Variants in SCAPER observed in about 807,000 individuals in gnomAD.
SCAPER encodes S-phase cyclin A associated protein in the ER.
A neutral mutation model predicts 182.2 loss-of-function variants in SCAPER; 98 were observed. The observed-to-expected ratio is 0.54, with a 90% CI of 0.46 to 0.64. The LOEUF (loss-of-function observed/expected upper bound fraction) is 0.64, where lower values mean the gene tolerates loss of function less well. SCAPER is among the 30% of genes least tolerant of loss of function. The pLI is 0.00. For synonymous variants in SCAPER, 605 were observed against 564.6 expected (o/e 1.07, Z -1.01); for missense variants, 1,432 against 1,690.0 (o/e 0.85, Z 2.68).
intron 7 of SCAPER, among the ~76,000 whole-genome samples, chr15:76,798,843 G>A (rs147418072): frequency 1.3e-5 from 2 of 152,136 alleles, no homozygotes; most frequent in East Asian, 3.9e-4. Context: ...CAAACACCGA[G>A]AACATCTGTT....
chr15:76,486,890 G>GC (rs2051706582), intron 24 of SCAPER, among the ~76,000 whole-genome samples: 1 of 152,164 alleles, frequency 6.6e-6, no homozygotes, highest in Non-Finnish European at 1.5e-5. Context: ...ACACATGCAT[G>GC]CAAATGTTCA....
chr15:76,813,227 T>TAAAAAAAAA (rs746891532), intron 5 of SCAPER, among the ~76,000 whole-genome samples: 92 of 17,138 alleles, frequency 5.4e-3, no homozygotes, highest in East Asian at 0.017. Flanking sequence ...ATCCTTTCAC[T>TAAAAAAAAA]AAAAAAAAAA....
At chr15:76,513,279 T>A (rs1030612590) in intron 23 of SCAPER, among the ~76,000 whole-genome samples, 1 of 152,162 alleles carries the variant, frequency 6.6e-6, no homozygotes, top group South Asian at 2.1e-4. Flanking sequence ...TGAGATATGA[T>A]AGATTAACAC....
intron 16 of SCAPER, among the ~76,000 whole-genome samples, 187 bp downstream of exon 16, chr15:76,733,042 C>A (rs763139358): frequency 6.6e-6 from 1 of 152,140 alleles, no homozygotes; most frequent in South Asian, 2.1e-4. Context: ...GGGCCACTAC[C>A]GGTCTCCACG....
intron 1 of SCAPER, among the ~76,000 whole-genome samples, chr15:76,899,695 G>A (rs558827461): frequency 4.6e-5 from 7 of 151,704 alleles, no homozygotes; most frequent in Non-Finnish European, 5.9e-5. Context: ...CTGCCCGGCC[G>A]CCACCCCGTC....
At chr15:76,589,393 C>T (rs776492605) in intron 22 of SCAPER, among the ~76,000 whole-genome samples, 10 of 152,040 alleles carry the variant, frequency 6.6e-5, no homozygotes, top group Non-Finnish European at 8.8e-5. Context: ...GGGCTTGCTG[C>T]GGCAATGGAG....
chr15:76,456,246 C>T (rs1390970258), intron 25 of SCAPER, among the ~76,000 whole-genome samples: 1 of 152,214 alleles, frequency 6.6e-6, no homozygotes, highest in East Asian at 1.9e-4. Flanking sequence ...AATTGCCACA[C>T]TTTCTTCCAC....
chr15:76,665,860 C>T, intron 20 of SCAPER, 71 bp from the exon 21 acceptor site: 6 of 1,269,010 alleles, frequency 4.7e-6, no homozygotes, highest in Non-Finnish European at 6.3e-6. Context: ...TTGCTATAGA[C>T]TACAGTGAGT....
At chr15:76,422,634 T>C (rs2046125211) in intron 26 of SCAPER, among the ~76,000 whole-genome samples, 1 of 152,208 alleles carries the variant, frequency 6.6e-6, no homozygotes, top group South Asian at 2.1e-4. Context: ...CTGATTGCCC[T>C]GGCCAGAACT....
At chr15:76,474,496 T>A (rs1316528952) in intron 24 of SCAPER, among the ~76,000 whole-genome samples, 1 of 152,182 alleles carries the variant, frequency 6.6e-6, no homozygotes, top group Non-Finnish European at 1.5e-5. Flanking sequence ...AAGATACTAG[T>A]TAGAATCCTA....
At chr15:76,768,513 C>A (rs1331214396) in intron 10 of SCAPER, among the ~76,000 whole-genome samples, 3 of 152,052 alleles carry the variant, frequency 2.0e-5, no homozygotes, top group Admixed American at 2.0e-4. Context: ...GAAAGCAGTG[C>A]AGTGGCAGGT....
chr15:76,704,873 G>A (rs376234773), intron 18 of SCAPER, among the ~76,000 whole-genome samples: 55 of 152,104 alleles, frequency 3.6e-4, no homozygotes, highest in Admixed American at 1.1e-3. Flanking sequence ...TTAGAATGGC[G>A]ATCATTAAAA....
intron 21 of SCAPER, among the ~76,000 whole-genome samples, chr15:76,629,136 T>A (rs554800652): frequency 2.6e-5 from 4 of 151,908 alleles, no homozygotes; most frequent in African/African-American, 9.6e-5. Context: ...AGACTTTGCT[T>A]ATCAGCTTAA....
intron 23 of SCAPER, among the ~76,000 whole-genome samples, chr15:76,555,797 C>T (rs2145045191): frequency 6.6e-6 from 1 of 152,302 alleles, no homozygotes; most frequent in African/African-American, 2.4e-5. Flanking sequence ...CTTCAATACA[C>T]TGCACCACCA....
intron 7 of SCAPER, among the ~76,000 whole-genome samples, chr15:76,796,626 T>C (rs916747944): frequency 6.6e-6 from 1 of 152,186 alleles, no homozygotes; most frequent in African/African-American, 2.4e-5. Flanking sequence ...ATTAACCCAA[T>C]GACACAGTTA....
At chr15:76,510,361 A>T (rs760398827) in intron 23 of SCAPER, among the ~76,000 whole-genome samples, 2 of 152,212 alleles carry the variant, frequency 1.3e-5, no homozygotes, top group Non-Finnish European at 2.9e-5. Flanking sequence ...GACTACAAGG[A>T]ACTCAAATTA....
At position 76,549,466 on chromosome 15, in the gene SCAPER, C is replaced by T. The variant is rs139272977; in HGVS notation, c.2838+24692G>A. Among the ~76,000 whole-genome samples, 197 of 152,076 alleles carry T rather than the reference C, an allele frequency of 1.3e-3. 2 individuals are homozygous for T. Among genetic ancestry groups the T allele is most frequent in the African/African-American group, 4.0e-3 (166 of 41,490 alleles). On this transcript the variant is annotated intron_variant, in intron 23 of 31. Transcript: ENST00000563290. ...TTCATGTCCTTTGTAGGGACATGGA[C>T]GAAGCTGGAAACCATCAAACTATCT...
intron 14 of SCAPER, among the ~76,000 whole-genome samples, chr15:76,755,068 T>A (rs1040287368): frequency 3.9e-5 from 6 of 152,162 alleles, no homozygotes; most frequent in Admixed American, 1.3e-4. Context: ...TTGTATACTT[T>A]CACTAATCTA....
At chr15:76,396,826 AGC>A (rs1212070541) in intron 27 of SCAPER, among the ~76,000 whole-genome samples, 2 of 152,118 alleles carry the variant, frequency 1.3e-5, no homozygotes, top group Non-Finnish European at 2.9e-5. Context: ...TGATTGCTCT[AGC>A]TAGGATTTCT....
Sources: allele counts gnomAD v4.1 joint callset (sites outside exome capture counted in the v4.1 genomes callset), GRCh38; gene constraint gnomAD v4.1.1; transcripts MANE v1.5; gene names NCBI Gene and HGNC (gene_info 2026-07-23, HGNC 2026-07-21).